Variants in FNDC3A observed in about 807,000 individuals in gnomAD.
FNDC3A encodes the protein fibronectin type III domain containing 3A.
Under a neutral mutation model 148.9 loss-of-function variants are expected in FNDC3A, and 32 were observed. The observed-to-expected ratio is 0.21, with a 90% CI of 0.16 to 0.29. The LOEUF (loss-of-function observed/expected upper bound fraction) is 0.29. Ranked by LOEUF, FNDC3A falls within the 10% of genes least tolerant of loss-of-function variation. The pLI is 1.00. For missense variants in FNDC3A, 1,191 were observed against 1,452.8 expected (o/e 0.82, Z 2.93); for synonymous variants, 472 against 473.6 (o/e 1.00, Z 0.04).
intron 2 of FNDC3A, chr13:49,046,874 G>A (rs183294784): frequency 4.5e-4 from 69 of 152,022 alleles, no homozygotes; most frequent in African/African-American, 1.6e-3. Context: ...ATTTCAGTAG[G>A]TTTTTGGGAA....
Position 49,191,292 on chromosome 13 carries a change from G to A in FNDC3A, c.2134G>A (p.Val712Ile). ...SPIEKDEPRE[V>I]YQGSEVECTV... is the part of the protein sequence containing the mutation. ...TATAGAAAAAGATGAACCTAGAGAA[G>A]TTTACCAAGGTTCTGAAGTAGAATG... The change falls in exon 19 of 26, where the codon GTT becomes ATT. Residue 712 changes from valine (V) to isoleucine (I), a missense_variant. By Grantham distance (29) the Val-to-Ile change is conservative. Coordinates refer to ENST00000492622, the MANE Select transcript of FNDC3A (RefSeq NM_001079673.2). 6.2e-7 allele frequency: 1 copy of A among 1,613,540 alleles called. No homozygotes were observed. Among genetic ancestry groups the A allele is most frequent in the Non-Finnish European group, 8.5e-7 (1 of 1,179,674 alleles).
intron 5 of FNDC3A, among the ~76,000 whole-genome samples, chr13:49,133,229 C>A (rs974608146): frequency 1.3e-5 from 2 of 152,054 alleles, no homozygotes; most frequent in African/African-American, 4.8e-5. Context: ...TTTTGAGTAC[C>A]AAAAGTTTAT....
chr13:49,073,751 A>G (rs1297391040), intron 2 of FNDC3A, among the ~76,000 whole-genome samples: 10 of 146,562 alleles, frequency 6.8e-5, no homozygotes, highest in Admixed American at 2.1e-4. Context: ...ATATATGTGT[A>G]TATATAATAT....
At chr13:49,076,879 G>C (rs1412693382) in intron 3 of FNDC3A, among the ~76,000 whole-genome samples, 2 of 152,148 alleles carry the variant, frequency 1.3e-5, no homozygotes, top group East Asian at 1.9e-4. Flanking sequence ...CCCAGCTAAA[G>C]TCTAAGCACT....
intron 1 of FNDC3A, among the ~76,000 whole-genome samples, chr13:48,997,839 T>A (rs1448979072): frequency 2.0e-5 from 3 of 150,496 alleles, no homozygotes; most frequent in Non-Finnish European, 4.4e-5. Flanking sequence ...CCTAAAAATG[T>A]GGGAGTAGCT....
At chr13:49,087,547 A>G (rs1232689989) in intron 3 of FNDC3A, among the ~76,000 whole-genome samples, 2 of 152,140 alleles carry the variant, frequency 1.3e-5, no homozygotes, top group African/African-American at 2.4e-5. Flanking sequence ...AGAGAAGCAA[A>G]TTGACTTGGA....
intron 8 of FNDC3A, among the ~76,000 whole-genome samples, chr13:49,164,523 G>A (rs555892583): frequency 4.0e-5 from 6 of 151,886 alleles, no homozygotes; most frequent in East Asian, 3.9e-4. Context: ...TCTCTTCACC[G>A]TTTAGGATAC....
chr13:49,159,098 T>C (rs1883918139), intron 8 of FNDC3A, among the ~76,000 whole-genome samples: 1 of 152,214 alleles, frequency 6.6e-6, no homozygotes, highest in Admixed American at 6.5e-5. Context: ...GTCTTGACAA[T>C]GTGGGCTCTT....
chr13:49,106,078 T>TA (rs1214921292), intron 3 of FNDC3A, among the ~76,000 whole-genome samples: 1 of 152,212 alleles, frequency 6.6e-6, no homozygotes, highest in Non-Finnish European at 1.5e-5. Context: ...TGTTAAGTCT[T>TA]AAACATGCCA....
chr13:49,000,948 A>G (rs1039066570), intron 1 of FNDC3A, among the ~76,000 whole-genome samples: 2 of 146,914 alleles, frequency 1.4e-5, no homozygotes, highest in African/African-American at 5.1e-5. Context: ...TATTAGTTCT[A>G]ACAGGTTTTG....
chr13:49,027,290 C>G (rs1873785367), intron 2 of FNDC3A, among the ~76,000 whole-genome samples: 1 of 152,062 alleles, frequency 6.6e-6, no homozygotes, highest in South Asian at 2.1e-4. Flanking sequence ...CTAGTTGATA[C>G]TAATAAAACA....
At chr13:49,021,729 T>C (rs1179632122) in intron 2 of FNDC3A, among the ~76,000 whole-genome samples, 1 of 152,212 alleles carries the variant, frequency 6.6e-6, no homozygotes, top group Admixed American at 6.5e-5. Context: ...TTTACGCCTG[T>C]GTTCTCACTG....
intron 7 of FNDC3A, among the ~76,000 whole-genome samples, chr13:49,140,926 G>A (rs1027027417): frequency 6.6e-6 from 1 of 152,206 alleles, no homozygotes; most frequent in African/African-American, 2.4e-5. Flanking sequence ...GAAAAGTAGT[G>A]GTTGGGCATT....
chr13:49,003,698 G>A (rs1952169695), intron 1 of FNDC3A, among the ~76,000 whole-genome samples: 2 of 151,818 alleles, frequency 1.3e-5, no homozygotes, highest in Admixed American at 6.6e-5. Flanking sequence ...ATTCAGATCT[G>A]CAACCTCTCT....
At chr13:49,178,676 A>G in intron 14 of FNDC3A, 22 bp downstream of exon 14, 1 of 1,325,060 alleles carries the variant, frequency 7.5e-7, no homozygotes, top group Non-Finnish European at 1.0e-6. Context: ...AAACCCTTAA[A>G]CGATTTGTTC....
At chr13:49,008,673 G>A (rs998339109) in intron 2 of FNDC3A, among the ~76,000 whole-genome samples, 11 of 151,916 alleles carry the variant, frequency 7.2e-5, no homozygotes, top group South Asian at 2.1e-4. Context: ...CATATTACAC[G>A]CAGTGGGTCT....
chr13:49,182,239 T>C (rs1438345596), intron 14 of FNDC3A, among the ~76,000 whole-genome samples: 3 of 152,020 alleles, frequency 2.0e-5, no homozygotes, highest in Non-Finnish European at 4.4e-5. Flanking sequence ...TCCTCCCACC[T>C]CAGCCTCCCA....
intron 1 of FNDC3A, among the ~76,000 whole-genome samples, chr13:49,005,843 T>G (rs928156143): frequency 1.3e-5 from 2 of 151,844 alleles, no homozygotes; most frequent in African/African-American, 4.8e-5. Flanking sequence ...TTAAATTAAA[T>G]AAAATATTAT....
At chr13:49,001,244 C>T (rs1455925582) in intron 1 of FNDC3A, among the ~76,000 whole-genome samples, 1 of 152,168 alleles carries the variant, frequency 6.6e-6, no homozygotes, top group Admixed American at 6.5e-5. Context: ...ATTTCATAGA[C>T]ACTTATCACT....
Sources: gnomAD v4.1 joint callset for allele counts (sites outside exome capture counted in the v4.1 genomes callset) on GRCh38, gnomAD v4.1.1 for gene constraint, MANE v1.5 for transcripts, NCBI Gene and HGNC (gene_info 2026-07-23, HGNC 2026-07-21) for gene names.